Variants in BCL2 observed in about 807,000 individuals in gnomAD.
The protein encoded by BCL2 is BCL2 apoptosis regulator, also known as apoptosis regulator Bcl-2.
A neutral mutation model predicts 14.2 loss-of-function variants in BCL2; 1 was observed. That is an observed-to-expected ratio of 0.07 (90% CI 0.02 to 0.33). BCL2 has a LOEUF of 0.33. BCL2 is among the 10% of genes least tolerant of loss of function. The probability of loss-of-function intolerance (pLI) is 0.99; values close to 1 mark genes in which losing one functional copy is unlikely to be tolerated. For synonymous variants in BCL2, 151 were observed against 137.2 expected (o/e 1.10, Z -0.70); for missense variants, 247 against 305.9 (o/e 0.81, Z 1.44).
At chr18:63,172,277 C>T (rs1337373649) in intron 2 of BCL2, among the ~76,000 whole-genome samples, 2 of 152,230 alleles carry the variant, frequency 1.3e-5, no homozygotes, top group Admixed American at 1.3e-4. Flanking sequence ...TCACTTGCTG[C>T]ACAGCTACTA....
intron 2 of BCL2, among the ~76,000 whole-genome samples, chr18:63,194,212 C>A (rs1233277024): frequency 2.6e-5 from 4 of 152,072 alleles, no homozygotes; most frequent in Non-Finnish European, 5.9e-5. Context: ...CAATAAATAG[C>A]CATTGAATGA....
chr18:63,233,452 T>C (rs1483294586), intron 2 of BCL2, among the ~76,000 whole-genome samples: 1 of 152,182 alleles, frequency 6.6e-6, no homozygotes, highest in East Asian at 1.9e-4. Flanking sequence ...ACTGGTTTAA[T>C]AGAAGACAGT....
At chr18:63,138,317 C>A (rs115986418) in intron 2 of BCL2, among the ~76,000 whole-genome samples, 4 of 152,170 alleles carry the variant, frequency 2.6e-5, no homozygotes, top group Non-Finnish European at 4.4e-5. Context: ...ATCATCGGCT[C>A]GGCAGGATTT....
intron 2 of BCL2, among the ~76,000 whole-genome samples, chr18:63,165,309 T>C (rs146340528): frequency 6.6e-6 from 1 of 152,306 alleles, no homozygotes; most frequent in East Asian, 1.9e-4. Flanking sequence ...ATGAACCTCA[T>C]TGGGTGTGAC....
chr18:63,124,642 T>TA lies in BCL2; in HGVS notation c.*3982_*3983insT, dbSNP rs1430968243. 1.9e-4 allele frequency: 35 copies of TA among 181,286 alleles called. No individual in the cohort carries two copies. The Middle Eastern group carries it at 5.8e-3, about 30-fold the overall frequency. 11.2% of individuals were successfully genotyped at this position (181,286 alleles called of 1,614,324 possible). On this transcript the variant is annotated 3_prime_UTR_variant, in exon 3 of 3. Coordinates refer to ENST00000333681, the MANE Select transcript of BCL2 (RefSeq NM_000633.3). ...CAAATGTCCTTTGTCCCATAATAAT[T>TA]TAAAAAAAAAATCCCTGAAAGATCC...
At chr18:63,220,491 T>C (rs910477768) in intron 2 of BCL2, among the ~76,000 whole-genome samples, 13 of 152,324 alleles carry the variant, frequency 8.5e-5, no homozygotes, top group East Asian at 5.8e-4. Context: ...GAATCCAGGC[T>C]TCCTGACACC....
intron 2 of BCL2, among the ~76,000 whole-genome samples, chr18:63,243,254 C>T (rs1286516210): frequency 2.0e-5 from 3 of 152,286 alleles, no homozygotes; most frequent in Admixed American, 6.5e-5. Flanking sequence ...AGTAAACTAA[C>T]ATCAGGAACA....
At chr18:63,150,432 C>T (rs951920762) in intron 2 of BCL2, among the ~76,000 whole-genome samples, 4 of 152,258 alleles carry the variant, frequency 2.6e-5, no homozygotes, top group Non-Finnish European at 4.4e-5. Flanking sequence ...TCCTGCCCAA[C>T]GGGCATTGTG....
rs201635234 is a variant in BCL2, at chr18:63,139,278, CA to C, written c.586-10520del. On this transcript the variant is annotated intron_variant, in intron 2 of 2. Coordinates refer to ENST00000333681, the MANE Select transcript of BCL2 (RefSeq NM_000633.3). ...AATAGGTGGAGAAATGCATTTATAG[CA>C]AAAAGTGCTAAAAATATGTTAATAG... Among the ~76,000 whole-genome samples the C allele has an allele frequency of 3.0e-4, 46 of 152,182 alleles. 1 individual carries two copies. In the East Asian group the frequency reaches 8.9e-3, roughly 29 times the overall value.
At chr18:63,211,743 T>C (rs941795380) in intron 2 of BCL2, among the ~76,000 whole-genome samples, 2 of 152,232 alleles carry the variant, frequency 1.3e-5, no homozygotes, top group African/African-American at 4.8e-5. Context: ...CTTGGCATTG[T>C]CCTACTGTGG....
rs188797102 is a variant in BCL2, at chr18:63,126,463, C to T, written c.*2162G>A. 8 of 227,840 alleles carry T rather than the reference C, an allele frequency of 3.5e-5. No individual in the cohort carries two copies. Among genetic ancestry groups the T allele is most frequent in the Middle Eastern group, 1.3e-3 (1 of 754 alleles). The allele number at this position is 227,840 out of a possible 1,614,324, so 14.1% of individuals were successfully genotyped here. A position where few individuals can be genotyped will look rare whatever the true frequency, so the allele number is the denominator to read the frequency against. The stretch of plus-strand genomic sequence containing the variant: ...AACTGAATGAATCTCATGGGTTTAA[C>T]CAAACATGCATGTAATCCTGAATAC... On this transcript the variant is annotated 3_prime_UTR_variant, in exon 3 of 3. Coordinates refer to ENST00000333681, the MANE Select transcript of BCL2 (RefSeq NM_000633.3).
intron 2 of BCL2, among the ~76,000 whole-genome samples, chr18:63,147,649 A>G (rs899115480): frequency 2.6e-5 from 4 of 152,230 alleles, no homozygotes; most frequent in African/African-American, 9.6e-5. Flanking sequence ...AATCTACCCA[A>G]GAGATACTCC....
Position 63,243,286 on chromosome 18 carries a change from C to T in BCL2, c.585+74796G>A, listed in dbSNP as rs570022988. 7.9e-5 allele frequency among the ~76,000 whole-genome samples: 12 copies of T among 152,276 alleles called. No homozygotes were observed. In the East Asian group the frequency reaches 2.3e-3, roughly 29 times the overall value. On this transcript the variant is annotated intron_variant, in intron 2 of 2. Coordinates refer to ENST00000333681, the MANE Select transcript of BCL2 (RefSeq NM_000633.3). ...AACAGAAAACCAAATACTGCATGTT[C>T]TTACTTATTAGTGGGAGCTAACTGA...
At chr18:63,169,248 TTTTCTTTCTTTCTTTCTTTC>T (rs145779306) in intron 2 of BCL2, among the ~76,000 whole-genome samples, 5 of 108,268 alleles carry the variant, frequency 4.6e-5, no homozygotes, top group East Asian at 2.9e-4. Flanking sequence ...CCCTTCGTGT[TTTTCTTTCTTTCTTTCTTTC>T]TTTCTTTCTT....
chr18:63,152,260 C>T (rs1914668972), intron 2 of BCL2, among the ~76,000 whole-genome samples: 1 of 152,086 alleles, frequency 6.6e-6, no homozygotes, highest in African/African-American at 2.4e-5. Context: ...CATTTGACAC[C>T]ACACCAATGT....
chr18:63,261,008 G>C (rs1238751317), intron 2 of BCL2, among the ~76,000 whole-genome samples: 3 of 152,134 alleles, frequency 2.0e-5, no homozygotes, highest in East Asian at 1.9e-4. Flanking sequence ...AAGGTCCAGG[G>C]AAGGGCTCCA....
At chr18:63,168,035 G>C (rs762089866) in intron 2 of BCL2, among the ~76,000 whole-genome samples, 16 of 151,358 alleles carry the variant, frequency 1.1e-4, no homozygotes, top group Non-Finnish European at 2.2e-4. Context: ...TGCACTCCAG[G>C]CTGGACAAGA....
At chr18:63,220,946 C>T (rs1910375729) in intron 2 of BCL2, among the ~76,000 whole-genome samples, 1 of 152,144 alleles carries the variant, frequency 6.6e-6, no homozygotes, top group Non-Finnish European at 1.5e-5. Flanking sequence ...AAAAACACAA[C>T]AGCAAGTCAA....
intron 2 of BCL2, among the ~76,000 whole-genome samples, chr18:63,252,498 C>T (rs1464454570): frequency 6.6e-6 from 1 of 152,070 alleles, no homozygotes; most frequent in East Asian, 1.9e-4. Flanking sequence ...TGGGAGGAAC[C>T]CGGTGGGAGG....
Sources: allele counts gnomAD v4.1 joint callset (sites outside exome capture counted in the v4.1 genomes callset), GRCh38; gene constraint gnomAD v4.1.1; transcripts MANE v1.5; gene names NCBI Gene and HGNC (gene_info 2026-07-23, HGNC 2026-07-21).